The following TBL1X variants were observed in gnomAD, a reference collection of about 807,000 sequenced individuals.
The protein encoded by TBL1X is transducin beta like 1 X-linked, also known as F-box-like/WD repeat-containing protein TBL1X.
A neutral mutation model predicts 50.7 loss-of-function variants in TBL1X; 10 were observed. The observed-to-expected ratio is 0.20, with a 90% confidence interval of 0.12 to 0.33. The LOEUF (loss-of-function observed/expected upper bound fraction) is 0.33, where lower values mean the gene tolerates loss of function less well. Among genes scored for constraint, TBL1X ranks in the 10% least tolerant of loss-of-function variants. TBL1X has a pLI of 1.00. For missense variants in TBL1X, 340 were observed against 504.4 expected (o/e 0.67, Z 3.12); for synonymous variants, 190 against 214.7 (o/e 0.88, Z 1.01).
rs1354496716 is a variant in TBL1X at position 9,716,287 on chromosome X, C to T, written c.*41C>T. ...GAAAAAAGAAAAGAATTCTAATGACCAGCCGTGAATGTGTAGGGTTGCAGC... is the reference window on the plus strand; with the variant it reads ...GAAAAAAGAAAAGAATTCTAATGACTAGCCGTGAATGTGTAGGGTTGCAGC... On this transcript the variant is annotated 3_prime_UTR_variant, in exon 18 of 18. Coordinates refer to ENST00000645353, the MANE Select transcript of TBL1X (RefSeq NM_005647.4). 8.5e-7 allele frequency: 1 copy of T among 1,181,248 alleles called. No individual in the cohort carries two copies. The highest frequency in any genetic ancestry group is 1.1e-6 in the Non-Finnish European group (1 of 873,966).
chrX:9,695,278 G>A (rs764741224), intron 11 of TBL1X, among the ~76,000 whole-genome samples: 31 of 111,933 alleles, frequency 2.8e-4, no homozygotes, highest in Non-Finnish European at 4.1e-4. Flanking sequence ...AAAAGTTTGC[G>A]GACTCTTGCA....
chrX:9,649,418 C>T (rs1227845654), intron 3 of TBL1X, among the ~76,000 whole-genome samples: 1 of 111,858 alleles, frequency 8.9e-6, no homozygotes, highest in African/African-American at 3.2e-5. Context: ...GTTTTGTTTT[C>T]TCTTCTGCTT....
In TBL1X at chrX:9,524,950, G is replaced by T. The variant is rs185372668; in HGVS notation, c.-131+23101G>T. ...TATTTTTGGTGGAGATGAGGTCTTG[G>T]TATGTTGCTCAGGTTGGTCTTGAAC... On this transcript the variant is annotated intron_variant, in intron 2 of 17. Transcript: ENST00000645353. Among the ~76,000 whole-genome samples the T allele has an allele frequency of 3.6e-5, 4 of 111,148 alleles. No individual in the cohort carries two copies. The East Asian group carries it at 8.5e-4, about 24-fold the overall frequency.
At chrX:9,553,309 A>T (rs934470795) in intron 2 of TBL1X, among the ~76,000 whole-genome samples, 1 of 112,037 alleles carries the variant, frequency 8.9e-6, no homozygotes, top group Non-Finnish European at 1.9e-5. Context: ...ATGTGGGCCC[A>T]TGAGCCAAGG....
intron 13 of TBL1X, among the ~76,000 whole-genome samples, chrX:9,705,855 G>A (rs2083204294): frequency 9.0e-6 from 1 of 111,108 alleles, no homozygotes; most frequent in African/African-American, 3.3e-5. Flanking sequence ...CCTGAGACTG[G>A]GTAATTGATA....
intron 1 of TBL1X, among the ~76,000 whole-genome samples, chrX:9,474,959 C>A (rs1366051441): frequency 1.8e-5 from 2 of 111,763 alleles, no homozygotes; most frequent in African/African-American, 6.5e-5. Flanking sequence ...CTGCAACCTC[C>A]GCCTCCTGGG....
At chrX:9,571,766 C>G (rs991439535) in intron 2 of TBL1X, among the ~76,000 whole-genome samples, 1 of 111,563 alleles carries the variant, frequency 9.0e-6, no homozygotes, top group Non-Finnish European at 1.9e-5. Context: ...ACCTGGCACC[C>G]ACTGTTCTAC....
At chrX:9,626,789 T>A (rs1227945182) in intron 2 of TBL1X, among the ~76,000 whole-genome samples, 1 of 111,759 alleles carries the variant, frequency 8.9e-6, no homozygotes, top group African/African-American at 3.3e-5. Flanking sequence ...TGGGCCCTGG[T>A]TTTTAGGGGA....
chrX:9,491,338 ATTTT>A (rs1157943868), intron 1 of TBL1X, among the ~76,000 whole-genome samples: 6 of 31,306 alleles, frequency 1.9e-4, no homozygotes, highest in African/African-American at 2.3e-4. Flanking sequence ...ATATATATAT[ATTTT>A]TTTTTTTTTT....
chrX:9,535,617 C>CAGAAAT (rs2082184088), intron 2 of TBL1X, among the ~76,000 whole-genome samples: 1 of 112,191 alleles, frequency 8.9e-6, no homozygotes, highest in Non-Finnish European at 1.9e-5. Context: ...TGAAAATAAC[C>CAGAAAT]TTGCACTCTT....
At chrX:9,524,963 G>A (rs778482273) in intron 2 of TBL1X, among the ~76,000 whole-genome samples, 21 of 111,400 alleles carry the variant, frequency 1.9e-4, no homozygotes, top group African/African-American at 6.5e-4. Context: ...TGTTGCTCAG[G>A]TTGGTCTTGA....
At chrX:9,570,156 GTGC>G (rs2082377442) in intron 2 of TBL1X, among the ~76,000 whole-genome samples, 1 of 112,295 alleles carries the variant, frequency 8.9e-6, no homozygotes, top group Non-Finnish European at 1.9e-5. Flanking sequence ...CCCTGATGAA[GTGC>G]TGTTTGGTAA....
intron 1 of TBL1X, among the ~76,000 whole-genome samples, chrX:9,492,091 T>A (rs1431017945): frequency 8.9e-6 from 1 of 111,817 alleles, no homozygotes; most frequent in Non-Finnish European, 1.9e-5. Flanking sequence ...ATGAAATACT[T>A]CTTTAAGGGG....
intron 5 of TBL1X, among the ~76,000 whole-genome samples, chrX:9,655,760 T>G (rs1359749907): frequency 8.9e-6 from 1 of 112,369 alleles, no homozygotes; most frequent in Non-Finnish European, 1.9e-5. Context: ...TACGATCCTC[T>G]AGGCTTGAGT....
chrX:9,541,948 T>C (rs2082217199), intron 2 of TBL1X, among the ~76,000 whole-genome samples: 2 of 110,212 alleles, frequency 1.8e-5, no homozygotes, highest in South Asian at 7.7e-4. Context: ...TTTTCTTTTT[T>C]TTTTTTTTTA....
chrX:9,480,078 C>T (rs945080089), intron 1 of TBL1X, among the ~76,000 whole-genome samples: 4 of 110,117 alleles, frequency 3.6e-5, no homozygotes, highest in Non-Finnish European at 5.7e-5. Context: ...AGCCTCCCCC[C>T]GGCGTAGCTG....
intron 3 of TBL1X, among the ~76,000 whole-genome samples, chrX:9,644,363 C>T (rs1156234523): frequency 2.7e-5 from 3 of 111,837 alleles, no homozygotes; most frequent in Admixed American, 9.5e-5. Context: ...ATCTTGGGCA[C>T]GTGCATCTGT....
chrX:9,512,697 C>T lies in TBL1X; in HGVS notation c.-131+10848C>T, dbSNP rs779512406. ...TAGTTTTGGTAGAGATGGGGTTTCACCACGTTGGCCAGGCTGGTCTTGAAC... is the reference window on the plus strand; with the variant it reads ...TAGTTTTGGTAGAGATGGGGTTTCATCACGTTGGCCAGGCTGGTCTTGAAC... On this transcript the variant is annotated intron_variant, in intron 2 of 17. Coordinates refer to ENST00000645353, the MANE Select transcript of TBL1X (RefSeq NM_005647.4). Among the ~76,000 whole-genome samples the T allele has an allele frequency of 4.0e-4, 44 of 110,892 alleles. No individual in the cohort carries two copies. The South Asian group carries it at 8.8e-3, about 22-fold the overall frequency.
chrX:9,602,966 C>A (rs1045208080), intron 2 of TBL1X, among the ~76,000 whole-genome samples: 1 of 112,527 alleles, frequency 8.9e-6, no homozygotes, highest in Non-Finnish European at 1.9e-5. Flanking sequence ...AGCCCCAGTG[C>A]ATAAATCATT....
Sources: gnomAD v4.1 joint callset for allele counts (sites outside exome capture counted in the v4.1 genomes callset) on GRCh38, gnomAD v4.1.1 for gene constraint, MANE v1.5 for transcripts, NCBI Gene and HGNC (gene_info 2026-07-23, HGNC 2026-07-21) for gene names.